Variants in ANO10 observed in about 807,000 individuals in gnomAD.
ANO10 encodes the protein anoctamin 10.
In ANO10, 77 loss-of-function variants were observed where a neutral mutation model predicts 74.7. That is an observed-to-expected ratio of 1.03 (90% confidence interval 0.86 to 1.25). ANO10 has a LOEUF of 1.25. Ranked by LOEUF, ANO10 falls within the 50% of genes most tolerant of loss-of-function variation. The pLI, the probability that ANO10 is intolerant of heterozygous loss-of-function variation, is 0.00. For synonymous variants in ANO10, 279 were observed against 284.9 expected (o/e 0.98, Z 0.21); for missense variants, 721 against 778.1 (o/e 0.93, Z 0.87).
chr3:43,490,358 A>C (rs1279898403), intron 11 of ANO10, among the ~76,000 whole-genome samples: 3 of 152,218 alleles, frequency 2.0e-5, no homozygotes, highest in African/African-American at 4.8e-5. Flanking sequence ...TTTTTATCTA[A>C]ACACAAGTGA....
chr3:43,660,600 A>G (rs1285288589), intron 1 of ANO10, among the ~76,000 whole-genome samples: 1 of 152,220 alleles, frequency 6.6e-6, no homozygotes, highest in East Asian at 1.9e-4. Context: ...GACTATGTGA[A>G]AAGACCAAAT....
At chr3:43,626,453 C>G (rs568924511), upstream of ANO10, among the ~76,000 whole-genome samples, 393 of 152,126 alleles carry the variant, frequency 2.6e-3, 3 homozygotes, top group African/African-American at 9.2e-3. Flanking sequence ...CATGTGCCAC[C>G]ACACCCGGCT....
At chr3:43,541,929 C>T (rs1032092954) in intron 11 of ANO10, among the ~76,000 whole-genome samples, 4 of 152,160 alleles carry the variant, frequency 2.6e-5, no homozygotes, top group Non-Finnish European at 5.9e-5. Context: ...ATCTGGCATT[C>T]GACTAACGCA....
intron 1 of ANO10, among the ~76,000 whole-genome samples, chr3:43,688,838 C>A (rs532783148): frequency 1.3e-5 from 2 of 148,834 alleles, no homozygotes; most frequent in Admixed American, 1.3e-4. Flanking sequence ...AGTGAAACTC[C>A]GTCTTAGAAA....
At chr3:43,647,109 T>C (rs564638350) in intron 1 of ANO10, among the ~76,000 whole-genome samples, 1 of 151,948 alleles carries the variant, frequency 6.6e-6, no homozygotes, top group East Asian at 1.9e-4. Context: ...GATGTATTAG[T>C]GTGGATTCTT....
At chr3:43,547,334 A>G (rs1228584563) in intron 11 of ANO10, among the ~76,000 whole-genome samples, 2 of 152,236 alleles carry the variant, frequency 1.3e-5, no homozygotes, top group Non-Finnish European at 2.9e-5. Context: ...TTTGTTTCTC[A>G]GGGTTGCCAG....
In ANO10 at chr3:43,555,488, A is replaced by T. The variant is rs368870797; in HGVS notation, c.1477-19T>A. 4.7e-5 allele frequency: 76 copies of T among 1,610,290 alleles called. No individual in the cohort carries two copies. The highest frequency in any genetic ancestry group is 6.0e-5 in the Non-Finnish European group (71 of 1,176,932). On this transcript the variant is annotated intron_variant, in intron 9 of 12. Coordinates refer to ENST00000292246, the MANE Select transcript of ANO10 (RefSeq NM_018075.5). ...AGGTGCCCTGAAAATATAAACAAGC[A>T]TGCATTATTTTAATATCATACAATA...
chr3:43,595,009 C>T, intron 4 of ANO10, among the ~76,000 whole-genome samples: 1 of 152,166 alleles, frequency 6.6e-6, no homozygotes, highest in East Asian at 1.9e-4. Context: ...ACTAGAAAAT[C>T]TAGAAGAAAT....
At chr3:43,428,110 C>T (rs1466699709) in intron 12 of ANO10, among the ~76,000 whole-genome samples, 2 of 151,708 alleles carry the variant, frequency 1.3e-5, no homozygotes, top group African/African-American at 2.4e-5. Flanking sequence ...AGTGCAGAGG[C>T]GTGATCTTGG....
At chr3:43,496,981 C>G (rs181696055) in intron 11 of ANO10, among the ~76,000 whole-genome samples, 6 of 152,188 alleles carry the variant, frequency 3.9e-5, no homozygotes, top group African/African-American at 9.7e-5. Context: ...TCATATACTG[C>G]ATCCTTAAAG....
At chr3:43,464,306 G>A (rs554418329) in intron 11 of ANO10, among the ~76,000 whole-genome samples, 10 of 152,204 alleles carry the variant, frequency 6.6e-5, no homozygotes, top group African/African-American at 2.4e-4. Flanking sequence ...TGGTATAGAC[G>A]TAAAATTCTT....
intron 1 of ANO10, among the ~76,000 whole-genome samples, chr3:43,641,641 T>C (rs1229478585): frequency 6.6e-6 from 1 of 152,250 alleles, no homozygotes; most frequent in Non-Finnish European, 1.5e-5. Flanking sequence ...CCATATATTC[T>C]ATTGAAAATG....
chr3:43,472,148 T>A (rs1245119887), intron 11 of ANO10, among the ~76,000 whole-genome samples: 1 of 152,188 alleles, frequency 6.6e-6, no homozygotes, highest in Non-Finnish European at 1.5e-5. Context: ...CTTAAGAGCC[T>A]ATGTACTATA....
chr3:43,583,011 G>A (rs2081330214), intron 4 of ANO10, among the ~76,000 whole-genome samples: 1 of 152,110 alleles, frequency 6.6e-6, no homozygotes, highest in Non-Finnish European at 1.5e-5. Context: ...CTGACTTACA[G>A]CATATAAATT....
At chr3:43,433,443 A>C (rs1041641487) in intron 11 of ANO10, among the ~76,000 whole-genome samples, 5 of 152,178 alleles carry the variant, frequency 3.3e-5, no homozygotes, top group African/African-American at 1.2e-4. Context: ...GAGTTACATG[A>C]AACGTACATG....
At chr3:43,373,823 AG>A in intron 12 of ANO10, among the ~76,000 whole-genome samples, 1 of 152,330 alleles carries the variant, frequency 6.6e-6, no homozygotes, top group East Asian at 1.9e-4. Flanking sequence ...GAGGTTCCAC[AG>A]GTGGCCAGAA....
chr3:43,549,605 A>G (rs1198360251), intron 11 of ANO10, 115 bp downstream of exon 11: 50 of 1,215,180 alleles, frequency 4.1e-5, no homozygotes, highest in Non-Finnish European at 5.8e-5. Flanking sequence ...TTGCTTTCTT[A>G]CCAGTAAATC....
chr3:43,544,034 A>G (rs1055645896), intron 11 of ANO10, among the ~76,000 whole-genome samples: 1 of 152,230 alleles, frequency 6.6e-6, no homozygotes, highest in Non-Finnish European at 1.5e-5. Context: ...TCTAAGATTT[A>G]ATATTTGGAA....
chr3:43,437,895 A>C (rs2093095745), intron 11 of ANO10, among the ~76,000 whole-genome samples: 1 of 152,128 alleles, frequency 6.6e-6, no homozygotes, highest in African/African-American at 2.4e-5. Flanking sequence ...AACAAGGAAA[A>C]ATGGCCCAAG....
Sources: gnomAD v4.1 joint callset for allele counts (sites outside exome capture counted in the v4.1 genomes callset) on GRCh38, gnomAD v4.1.1 for gene constraint, MANE v1.5 for transcripts, NCBI Gene and HGNC (gene_info 2026-07-23, HGNC 2026-07-21) for gene names.